The following LRRC4C variants were observed in gnomAD, a reference collection of about 807,000 sequenced individuals.
The protein encoded by LRRC4C is leucine rich repeat containing 4C, also known as leucine-rich repeat-containing protein 4C.
Under a neutral mutation model 33.6 loss-of-function variants are expected in LRRC4C, and 5 were observed. The observed-to-expected ratio is 0.15, with a 90% confidence interval of 0.08 to 0.31. The LOEUF is 0.31. LRRC4C is among the 10% of genes least tolerant of loss of function. The pLI, the probability that LRRC4C is intolerant of heterozygous loss-of-function variation, is 1.00. For missense variants in LRRC4C, 560 were observed against 796.7 expected (o/e 0.70, Z 3.58); for synonymous variants, 329 against 302.0 (o/e 1.09, Z -0.93).
intron 1 of LRRC4C, among the ~76,000 whole-genome samples, chr11:41,078,797 T>C (rs1939347691): frequency 6.6e-6 from 1 of 152,216 alleles, no homozygotes; most frequent in South Asian, 2.1e-4. Flanking sequence ...TTCCCCTTCA[T>C]GTGCTCTATG....
chr11:40,938,898 A>C (rs1958020748), intron 1 of LRRC4C, among the ~76,000 whole-genome samples: 1 of 152,236 alleles, frequency 6.6e-6, no homozygotes. Flanking sequence ...TCTGGAATTG[A>C]TAACATTCCA....
intron 2 of LRRC4C, among the ~76,000 whole-genome samples, chr11:40,670,281 T>C (rs1334386255): frequency 6.6e-6 from 1 of 152,166 alleles, no homozygotes; most frequent in East Asian, 1.9e-4. Flanking sequence ...TGAGCCTTGA[T>C]AAAAATGCCA....
intron 3 of LRRC4C, among the ~76,000 whole-genome samples, chr11:40,347,720 T>A (rs1245519820): frequency 1.3e-5 from 2 of 152,194 alleles, no homozygotes; most frequent in Non-Finnish European, 2.9e-5. Context: ...GCGATTCTCC[T>A]GCCTCAGCCT....
intron 2 of LRRC4C, among the ~76,000 whole-genome samples, chr11:40,765,079 C>CCAAA (rs1293677844): frequency 1.3e-5 from 2 of 152,214 alleles, no homozygotes; most frequent in South Asian, 2.1e-4. Flanking sequence ...CACGACTTCG[C>CCAAA]CAAACAAACA....
At chr11:41,039,422 G>A (rs1186151524) in intron 1 of LRRC4C, among the ~76,000 whole-genome samples, 1 of 152,076 alleles carries the variant, frequency 6.6e-6, no homozygotes, top group African/African-American at 2.4e-5. Flanking sequence ...TTTACAGAGC[G>A]AGGCCTAAGA....
intron 1 of LRRC4C, among the ~76,000 whole-genome samples, chr11:41,188,889 A>G (rs1945818016): frequency 7.1e-6 from 1 of 140,714 alleles, no homozygotes; most frequent in African/African-American, 2.7e-5. Flanking sequence ...TTTTTAGCAC[A>G]AAACAGGACC....
At chr11:40,404,604 T>C (rs944749556) in intron 3 of LRRC4C, among the ~76,000 whole-genome samples, 2 of 152,078 alleles carry the variant, frequency 1.3e-5, no homozygotes, top group African/African-American at 4.8e-5. Context: ...ATGCCCACTT[T>C]TTCTTTTTTG....
intron 1 of LRRC4C, chr11:41,222,769 T>C (rs1207465106): frequency 2.1e-5 from 3 of 141,540 alleles, no homozygotes; most frequent in Non-Finnish European, 4.5e-5. Flanking sequence ...CAGATCCTTG[T>C]ACAACTGGTA....
At position 40,589,104 on chromosome 11, in the gene LRRC4C, G is replaced by C. The variant is rs536932082; in HGVS notation, c.-270+59038C>G. Among the ~76,000 whole-genome samples, 43 of 152,146 alleles carry C rather than the reference G, an allele frequency of 2.8e-4. No individual in the cohort carries two copies. In the East Asian group the frequency reaches 8.1e-3, roughly 29 times the overall value. ...TTAAAGTCTCCCATTATTAATGTGC[G>C]GGAGTCTAAGTCTCTTTGTAGGTCA... On this transcript the variant is annotated intron_variant, in intron 3 of 6. Coordinates refer to ENST00000528697, the MANE Select transcript of LRRC4C (RefSeq NM_001258419.2).
Position 40,659,075 on chromosome 11 carries a change from C to G in LRRC4C, c.-406-10797G>C, listed in dbSNP as rs180759587. On this transcript the variant is annotated intron_variant, in intron 2 of 6. Coordinates refer to ENST00000528697, the MANE Select transcript of LRRC4C (RefSeq NM_001258419.2). ...CCAGGCATTGCTGCACTCTTGGGGG[C>G]CCAGGAAGCCCCTACATCCATAGGC... 2.0e-3 allele frequency among the ~76,000 whole-genome samples: 302 copies of G among 152,304 alleles called. 1 individual carries two copies. The highest frequency in any genetic ancestry group is 7.0e-3 in the African/African-American group (289 of 41,566).
intron 5 of LRRC4C, among the ~76,000 whole-genome samples, chr11:40,219,950 C>T (rs533536806): frequency 6.6e-6 from 1 of 152,236 alleles, no homozygotes; most frequent in Non-Finnish European, 1.5e-5. Context: ...TAACTTGCTT[C>T]TTTGTAGTAA....
chr11:41,315,530 C>G (rs929926234), intron 1 of LRRC4C, among the ~76,000 whole-genome samples: 1 of 152,146 alleles, frequency 6.6e-6, no homozygotes, highest in Non-Finnish European at 1.5e-5. Context: ...CACCAACTTG[C>G]CAGCCATGTG....
intron 1 of LRRC4C, among the ~76,000 whole-genome samples, chr11:41,171,700 T>G (rs1944985275): frequency 6.6e-6 from 1 of 152,080 alleles, no homozygotes; most frequent in Non-Finnish European, 1.5e-5. Context: ...CTAGATATTT[T>G]TATTTGCATG....
chr11:40,326,542 CT>C (rs1418190852), intron 3 of LRRC4C, among the ~76,000 whole-genome samples: 1 of 104,724 alleles, frequency 9.5e-6, no homozygotes, highest in African/African-American at 3.2e-5. Flanking sequence ...GGCAAGACTC[CT>C]TCTCAAAAGA....
intron 1 of LRRC4C, among the ~76,000 whole-genome samples, chr11:41,154,983 G>T (rs1179572527): frequency 2.6e-5 from 4 of 152,164 alleles, no homozygotes; most frequent in Non-Finnish European, 4.4e-5. Context: ...TTAGGAAAGG[G>T]ATGATGACGT....
chr11:40,171,478 T>C (rs1463631465), intron 5 of LRRC4C, among the ~76,000 whole-genome samples: 1 of 152,192 alleles, frequency 6.6e-6, no homozygotes, highest in Non-Finnish European at 1.5e-5. Flanking sequence ...AGGCAATGTA[T>C]TAAAATGGTT....
intron 1 of LRRC4C, among the ~76,000 whole-genome samples, chr11:41,437,557 C>G (rs375889627): frequency 5.1e-4 from 78 of 152,240 alleles, no homozygotes; most frequent in African/African-American, 1.9e-3. Flanking sequence ...TACACTCATC[C>G]CCAGGCTTTT....
chr11:40,611,034 T>G lies in LRRC4C; in HGVS notation c.-270+37108A>C, dbSNP rs573898176. Reference sequence around the variant, plus strand: ...AATGGAAAAGAAATAATCTTAAAATTTATATGGAACCACAAAGGATCCCAA... The same window carrying G: ...AATGGAAAAGAAATAATCTTAAAATGTATATGGAACCACAAAGGATCCCAA... On this transcript the variant is annotated intron_variant, in intron 3 of 6. Transcript: ENST00000528697. Among the ~76,000 whole-genome samples the G allele has an allele frequency of 1.4e-3, 208 of 151,934 alleles. 1 individual carries two copies. The highest frequency in any genetic ancestry group is 2.4e-3 in the Non-Finnish European group (164 of 67,830).
intron 1 of LRRC4C, chr11:41,423,792 A>G (rs1954947693): frequency 6.6e-6 from 1 of 152,022 alleles, no homozygotes; most frequent in Non-Finnish European, 1.5e-5. Context: ...CAAAGAGGCT[A>G]GGAGGGACAG....
Sources: gnomAD v4.1 joint callset for allele counts (sites outside exome capture counted in the v4.1 genomes callset) on GRCh38, gnomAD v4.1.1 for gene constraint, MANE v1.5 for transcripts, NCBI Gene and HGNC (gene_info 2026-07-23, HGNC 2026-07-21) for gene names.